Variants in DPP6 observed in about 807,000 individuals in gnomAD.
DPP6 encodes A-type potassium channel modulatory protein DPP6.
In DPP6, 69 loss-of-function variants were observed where a neutral mutation model predicts 122.6. That is an observed-to-expected ratio of 0.56 (90% CI 0.46 to 0.69). The LOEUF is 0.69. Ranked by LOEUF, DPP6 falls within the 30% of genes least tolerant of loss-of-function variation. DPP6 has a pLI of 0.00. For missense variants in DPP6, 928 were observed against 1,116.9 expected (o/e 0.83, Z 2.41); for synonymous variants, 418 against 433.1 (o/e 0.97, Z 0.43).
At chr7:154,720,041 A>G (rs753939074) in intron 7 of DPP6, among the ~76,000 whole-genome samples, 2 of 152,138 alleles carry the variant, frequency 1.3e-5, no homozygotes, top group Non-Finnish European at 2.9e-5. Flanking sequence ...TCTGTTGGTG[A>G]GGAGGGAGTA....
the DPP6 span, among the ~76,000 whole-genome samples, chr7:153,842,785 A>G: frequency 6.6e-6 from 1 of 152,228 alleles, no homozygotes; most frequent in African/African-American, 2.4e-5. Context: ...GAAGTTATTC[A>G]GAGACAAATT....
chr7:153,908,884 C>T (rs887367043), intron 1 of DPP6, among the ~76,000 whole-genome samples: 2 of 151,884 alleles, frequency 1.3e-5, no homozygotes, highest in East Asian at 1.9e-4. Context: ...CTCCTGAGTA[C>T]CTGGGACTAC....
At chr7:154,853,676 C>T (rs907024948) in intron 16 of DPP6, 104 bp from the exon 17 acceptor site, 17 of 1,492,600 alleles carry the variant, frequency 1.1e-5, no homozygotes, top group South Asian at 5.3e-5. Context: ...CTCCAGGCTC[C>T]GCACGTCTAT....
At position 154,608,059 on chromosome 7, in the gene DPP6, A is replaced by G. The variant is rs899868890; in HGVS notation, c.628-29762A>G. ...CAGTGGCACGATCTCAGCTCACTGC[A>G]AGCTCCGCCTCCCAGGTTCAAGCAA... On this transcript the variant is annotated intron_variant, in intron 5 of 25. Coordinates refer to ENST00000377770, the MANE Select transcript of DPP6 (RefSeq NM_130797.4). Among the ~76,000 whole-genome samples the G allele has an allele frequency of 1.5e-5, 2 of 131,938 alleles. 1 individual carries two copies. The highest frequency in any genetic ancestry group is 3.3e-5 in the Non-Finnish European group (2 of 60,710). The allele number at this position is 131,938 out of a possible 152,430, so 86.6% of individuals were successfully genotyped here. A position where few individuals can be genotyped will look rare whatever the true frequency, so the allele number is the denominator to read the frequency against.
chr7:153,996,919 C>A (rs749674048), intron 1 of DPP6, among the ~76,000 whole-genome samples: 47 of 152,220 alleles, frequency 3.1e-4, no homozygotes, highest in South Asian at 8.3e-4. Flanking sequence ...TTTGGAGTTA[C>A]CCCCATCATG....
intron 1 of DPP6, among the ~76,000 whole-genome samples, chr7:154,327,869 G>C (rs1808586482): frequency 6.6e-6 from 1 of 152,176 alleles, no homozygotes; most frequent in South Asian, 2.1e-4. Flanking sequence ...CATTTGCAAA[G>C]AAATCTCATT....
intron 1 of DPP6, among the ~76,000 whole-genome samples, chr7:153,996,775 C>T (rs1797458258): frequency 6.6e-6 from 1 of 152,076 alleles, no homozygotes; most frequent in South Asian, 2.1e-4. Flanking sequence ...AAAGGTAATT[C>T]AATGTCAAGA....
chr7:154,106,722 G>A (rs903106047), intron 1 of DPP6, among the ~76,000 whole-genome samples: 5 of 152,124 alleles, frequency 3.3e-5, no homozygotes, highest in Admixed American at 6.6e-5. Context: ...TGACAACCCA[G>A]GCACAGGTGA....
At chr7:154,487,660 A>T (rs1823914401) in intron 3 of DPP6, among the ~76,000 whole-genome samples, 1 of 152,218 alleles carries the variant, frequency 6.6e-6, no homozygotes, top group African/African-American at 2.4e-5. Context: ...GCGCATTCAG[A>T]AGACCCATTA....
chr7:154,757,079 A>C (rs562865783), intron 8 of DPP6, among the ~76,000 whole-genome samples: 1 of 150,388 alleles, frequency 6.6e-6, no homozygotes, highest in African/African-American at 2.5e-5. Context: ...ACGGCCCCTG[A>C]AGAACTGGCC....
chr7:153,873,449 T>C, the DPP6 span, among the ~76,000 whole-genome samples: 2 of 152,178 alleles, frequency 1.3e-5, no homozygotes, highest in East Asian at 1.9e-4. Flanking sequence ...CGAATGAAAA[T>C]AGACAATAAT....
At chr7:154,103,821 G>A (rs923135641) in intron 1 of DPP6, among the ~76,000 whole-genome samples, 5 of 152,196 alleles carry the variant, frequency 3.3e-5, no homozygotes, top group African/African-American at 9.7e-5. Flanking sequence ...TCAGACTCCC[G>A]GTTCCTCCGC....
chr7:154,786,292 A>G (rs11772357), intron 10 of DPP6, among the ~76,000 whole-genome samples: 36,589 of 152,174 alleles, frequency 0.24, 5,123 homozygotes, highest in East Asian at 0.39. Context: ...GCTAGAGGGT[A>G]TAGCTCCATT....
chr7:154,375,991 G>T (rs1010199872), intron 1 of DPP6, among the ~76,000 whole-genome samples: 2 of 152,184 alleles, frequency 1.3e-5, no homozygotes, highest in Non-Finnish European at 2.9e-5. Context: ...GAGAGGCAAG[G>T]TTGGTGCATT....
intron 16 of DPP6, among the ~76,000 whole-genome samples, chr7:154,820,917 A>G (rs1301541450): frequency 2.0e-5 from 3 of 152,256 alleles, no homozygotes; most frequent in South Asian, 2.1e-4. Context: ...TAGAAATTAT[A>G]TAAGATTACA....
chr7:154,515,033 A>T (rs778817482), intron 3 of DPP6, among the ~76,000 whole-genome samples: 3 of 152,258 alleles, frequency 2.0e-5, no homozygotes, highest in Non-Finnish European at 2.9e-5. Flanking sequence ...AGACAAAGTC[A>T]TTTCAATGCC....
At chr7:154,130,403 C>G (rs1377945152) in intron 1 of DPP6, among the ~76,000 whole-genome samples, 2 of 152,120 alleles carry the variant, frequency 1.3e-5, no homozygotes, top group Non-Finnish European at 2.9e-5. Flanking sequence ...CCGGTTTCCT[C>G]ATCTGTAGGA....
In DPP6 at chr7:154,618,464, T is replaced by C. The variant is rs891232876; in HGVS notation, c.628-19357T>C. ...GCTTCCCCTTTGTCTTGTTAGACCA[T>C]TGATTTCCTTTAGAAGATCAAAATC... On this transcript the variant is annotated intron_variant, in intron 5 of 25. Coordinates refer to ENST00000377770, the MANE Select transcript of DPP6 (RefSeq NM_130797.4). This position sits in a 1 kb window ranked among gnomAD's most constrained non-coding sequence, Gnocchi z 4.1. Among the ~76,000 whole-genome samples the C allele has an allele frequency of 2.0e-5, 3 of 152,210 alleles. No homozygotes were observed. The highest frequency in any genetic ancestry group is 7.2e-5 in the African/African-American group (3 of 41,452).
intron 1 of DPP6, among the ~76,000 whole-genome samples, chr7:153,966,620 T>A (rs1436579684): frequency 6.9e-6 from 1 of 145,520 alleles, no homozygotes; most frequent in Admixed American, 7.2e-5. Context: ...TAAAAAATTA[T>A]ACTTTAATTT....
Sources: gnomAD v4.1 joint callset for allele counts (sites outside exome capture counted in the v4.1 genomes callset) on GRCh38, gnomAD v4.1.1 for gene constraint, Gnocchi (gnomAD v3.1) non-coding constraint, MANE v1.5 for transcripts, NCBI Gene and HGNC (gene_info 2026-07-23, HGNC 2026-07-21) for gene names.